Variants in HMCN1 observed in about 807,000 individuals in gnomAD.
HMCN1 encodes hemicentin 1, also known as hemicentin-1.
A neutral mutation model predicts 625.9 loss-of-function variants in HMCN1; 321 were observed. The observed-to-expected ratio is 0.51, with a 90% CI of 0.47 to 0.56. The LOEUF is 0.56. Among genes scored for constraint, HMCN1 ranks in the 20% least tolerant of loss-of-function variants. The probability of loss-of-function intolerance (pLI) is 0.00; values close to 1 mark genes in which losing one functional copy is unlikely to be tolerated. For missense variants in HMCN1, 6,588 were observed against 6,887.3 expected (o/e 0.96, Z 1.54); for synonymous variants, 2,425 against 2,417.6 (o/e 1.00, Z -0.09).
At chr1:185,865,104 G>A (rs1355533991) in intron 3 of HMCN1, among the ~76,000 whole-genome samples, 2 of 152,214 alleles carry the variant, frequency 1.3e-5, no homozygotes, top group Non-Finnish European at 2.9e-5. Context: ...TCACTGGTGT[G>A]TCTAGGGAAT....
chr1:185,982,163 T>G, intron 17 of HMCN1, 99 bp from the exon 18 acceptor site: 1 of 1,224,452 alleles, frequency 8.2e-7, no homozygotes. Flanking sequence ...AAACTCAAAC[T>G]TTTATAGCAT....
intron 11 of HMCN1, among the ~76,000 whole-genome samples, chr1:185,959,613 T>TTGA (rs1649867659): frequency 6.6e-6 from 1 of 152,080 alleles, no homozygotes; most frequent in Non-Finnish European, 1.5e-5. Context: ...CAAGTTGTTC[T>TTGA]TGATGATGAT....
intron 1 of HMCN1, among the ~76,000 whole-genome samples, chr1:185,771,705 G>A (rs73060467): frequency 0.089 from 13,507 of 152,114 alleles, 1,905 homozygotes; most frequent in African/African-American, 0.3. Context: ...CAAATATTCA[G>A]GTGAGTTCAA....
intron 2 of HMCN1, among the ~76,000 whole-genome samples, chr1:185,853,817 A>G (rs1443271135): frequency 1.3e-5 from 2 of 152,222 alleles, no homozygotes; most frequent in African/African-American, 4.8e-5. Context: ...AGTGGGGTGG[A>G]TATTATAATG....
chr1:185,846,002 C>T (rs746531214), intron 1 of HMCN1, 24 bp from the exon 2 acceptor site: 2 of 1,487,798 alleles, frequency 1.3e-6, no homozygotes, highest in Non-Finnish European at 1.9e-6. Context: ...TGTTTATTGA[C>T]CTATGTTATT....
intron 2 of HMCN1, among the ~76,000 whole-genome samples, chr1:185,852,862 A>G (rs1662246570): frequency 6.6e-6 from 1 of 152,082 alleles, no homozygotes; most frequent in African/African-American, 2.4e-5. Flanking sequence ...AAGGTTTTGC[A>G]AGTGTTTTAA....
rs751279559 is a variant in HMCN1, at chr1:186,001,381, G to A, written c.4153G>A (p.Glu1385Lys). The A allele has an allele frequency of 8.7e-6, 14 of 1,612,180 alleles. No homozygotes were observed. The highest frequency in any genetic ancestry group is 1.1e-5 in the Non-Finnish European group (13 of 1,178,618). Reference protein sequence around the residue: ...NQLTNLFCEVEGTPSPIIMWY... With the variant: ...NQLTNLFCEVKGTPSPIIMWY... ...GCTGACCAATCTCTTCTGTGAAGTGGAAGGCACTCCATCTCCCATCATTAT... is the reference window on the plus strand; with the variant it reads ...GCTGACCAATCTCTTCTGTGAAGTGAAAGGCACTCCATCTCCCATCATTAT... The change falls in exon 27 of 107, where the codon GAA (glutamate) becomes AAA (lysine). Residue 1385 changes from glutamate to lysine, a missense_variant. Physicochemically the swap from Glu to Lys is moderately conservative, Grantham distance 56. Around this residue, in one of 3 missense-constraint regions of HMCN1, gnomAD observed 4,628 missense variants for 4,853.1 expected, o/e 0.95. Transcript: ENST00000271588.
intron 1 of HMCN1, among the ~76,000 whole-genome samples, chr1:185,805,599 T>G (rs1400954660): frequency 4.6e-5 from 7 of 152,330 alleles, no homozygotes; most frequent in African/African-American, 1.7e-4. Flanking sequence ...CAAAAATATT[T>G]AGGCAAAGTT....
At chr1:186,122,621 A>G (rs1010681969) in intron 80 of HMCN1, among the ~76,000 whole-genome samples, 1 of 152,264 alleles carries the variant, frequency 6.6e-6, no homozygotes, top group Non-Finnish European at 1.5e-5. Flanking sequence ...CCTAAAGTGA[A>G]TCACATAATT....
chr1:185,936,858 A>G (rs1399471676), intron 11 of HMCN1, among the ~76,000 whole-genome samples: 2 of 152,240 alleles, frequency 1.3e-5, no homozygotes, highest in African/African-American at 4.8e-5. Flanking sequence ...ACTCTCACTC[A>G]GCTGCAGAGC....
chr1:185,960,450 C>T (rs778994478), intron 11 of HMCN1, among the ~76,000 whole-genome samples: 5 of 152,088 alleles, frequency 3.3e-5, no homozygotes, highest in Non-Finnish European at 5.9e-5. Flanking sequence ...TATTCTAAGG[C>T]AATGGTAAAT....
intron 97 of HMCN1, among the ~76,000 whole-genome samples, chr1:186,159,396 T>C (rs1013020030): frequency 3.3e-5 from 5 of 152,114 alleles, no homozygotes; most frequent in African/African-American, 9.7e-5. Flanking sequence ...CTTTTCCTAA[T>C]TGAATGCCCT....
chr1:186,129,551 GA>G (rs1425491751), intron 83 of HMCN1, among the ~76,000 whole-genome samples: 6 of 152,016 alleles, frequency 3.9e-5, no homozygotes, highest in Admixed American at 3.9e-4. Context: ...ATTATAAGCT[GA>G]AAAGGTTTTC....
rs267598236 is a variant in HMCN1 at position 186,137,513 on chromosome 1, C to T, written c.13598C>T (p.Ser4533Phe). 2 of 1,613,416 alleles carry T rather than the reference C, an allele frequency of 1.2e-6. No individual in the cohort carries two copies. The highest frequency in any genetic ancestry group is 2.2e-5 in the East Asian group (1 of 44,820). The change falls in exon 88 of 107, where the codon TCC (serine) becomes TTC (phenylalanine). Residue 4533 changes from serine (S) to phenylalanine (F), a missense_variant. Ser to Phe is a radical substitution (Grantham distance 155). This residue lies in a region of HMCN1 where 1,954 missense variants were observed against 2,013.1 expected (regional missense o/e 0.97). Coordinates refer to ENST00000271588, the MANE Select transcript of HMCN1 (RefSeq NM_031935.3). The stretch of plus-strand genomic sequence containing the variant: ...TTATTTGCAGTTCATGGTGGATTTT[C>T]CCAGTGGTCTGCATGGAGAGCCTGC... Reference protein sequence around the residue: ...PVIVQVHGGFSQWSAWRACSV... With the variant: ...PVIVQVHGGFFQWSAWRACSV...
chr1:186,179,809 A>G (rs1212224843), intron 104 of HMCN1, among the ~76,000 whole-genome samples: 1 of 151,732 alleles, frequency 6.6e-6, no homozygotes, highest in African/African-American at 2.4e-5. Context: ...CTGTTACTTC[A>G]TTATTATCTT....
intron 100 of HMCN1, among the ~76,000 whole-genome samples, chr1:186,170,837 G>T (rs1652180793): frequency 6.6e-6 from 1 of 152,176 alleles, no homozygotes; most frequent in Non-Finnish European, 1.5e-5. Flanking sequence ...GATGGTGTTT[G>T]GGAAGTACAA....
At chr1:185,825,508 C>T (rs1432634317) in intron 1 of HMCN1, among the ~76,000 whole-genome samples, 3 of 152,088 alleles carry the variant, frequency 2.0e-5, no homozygotes, top group Admixed American at 2.0e-4. Context: ...ATAAATGTAG[C>T]AAGCTCAAAA....
intron 14 of HMCN1, 144 bp from the exon 15 acceptor site, chr1:185,970,191 T>C: frequency 1.3e-6 from 1 of 774,138 alleles, no homozygotes; most frequent in East Asian, 2.4e-5. Flanking sequence ...TTTTAGACTG[T>C]AGAAAGTGTC....
chr1:186,126,228 A>G (rs79346471), intron 82 of HMCN1, among the ~76,000 whole-genome samples: 2,912 of 148,734 alleles, frequency 0.02, 50 homozygotes, highest in Admixed American at 0.025. Context: ...AATCAGAAGC[A>G]GTCATTAATA....
Sources: gnomAD v4.1 joint callset for allele counts (sites outside exome capture counted in the v4.1 genomes callset) on GRCh38, gnomAD v4.1.1 for gene constraint, gnomAD v4.1.1 regional missense constraint, MANE v1.5 for transcripts, NCBI Gene and HGNC (gene_info 2026-07-23, HGNC 2026-07-21) for gene names.